The following LRRTM3 variants were observed in gnomAD, a reference collection of about 807,000 sequenced individuals.
LRRTM3 encodes the protein leucine-rich repeat transmembrane neuronal protein 3.
In LRRTM3, 24 loss-of-function variants were observed where a neutral mutation model predicts 44.7. The observed-to-expected ratio is 0.54, with a 90% CI of 0.39 to 0.76. The LOEUF (loss-of-function observed/expected upper bound fraction) is 0.76, where lower values mean the gene tolerates loss of function less well. Among genes scored for constraint, LRRTM3 ranks in the 30% least tolerant of loss-of-function variants. The probability of loss-of-function intolerance (pLI) is 0.00; values close to 1 mark genes in which losing one functional copy is unlikely to be tolerated. For synonymous variants in LRRTM3, 277 were observed against 278.7 expected, an observed-to-expected ratio of 0.99 and a Z score of 0.06; for missense variants, 587 against 702.2, an observed-to-expected ratio of 0.84 and a Z score of 1.85.
At chr10:66,961,742 TA>T (rs1372863254) in intron 2 of LRRTM3, among the ~76,000 whole-genome samples, 1 of 152,144 alleles carries the variant, frequency 6.6e-6, no homozygotes, top group Non-Finnish European at 1.5e-5. Context: ...AAATGTCTAT[TA>T]CTCCTTGAGG....
chr10:66,969,152 A>C (rs185397423), intron 2 of LRRTM3, among the ~76,000 whole-genome samples: 1 of 152,200 alleles, frequency 6.6e-6, no homozygotes, highest in Non-Finnish European at 1.5e-5. Flanking sequence ...AATATTTTTA[A>C]AAATCAAATA....
At chr10:67,007,010 G>C (rs771895817) in intron 2 of LRRTM3, among the ~76,000 whole-genome samples, 1 of 152,118 alleles carries the variant, frequency 6.6e-6, no homozygotes, top group Non-Finnish European at 1.5e-5. Flanking sequence ...TGGCCAGGCT[G>C]TTCTTGAACT....
chr10:67,090,455 T>C (rs888494095), intron 2 of LRRTM3, among the ~76,000 whole-genome samples: 1 of 152,128 alleles, frequency 6.6e-6, no homozygotes, highest in Non-Finnish European at 1.5e-5. Flanking sequence ...GCCTATATTG[T>C]GTTCACCTCT....
chr10:66,935,589 A>T (rs1449071111), intron 2 of LRRTM3, among the ~76,000 whole-genome samples: 1 of 151,962 alleles, frequency 6.6e-6, no homozygotes, highest in Admixed American at 6.6e-5. Flanking sequence ...TTACATACGT[A>T]TTTGTATTTC....
chr10:67,044,349 A>G (rs1854595227), intron 2 of LRRTM3, among the ~76,000 whole-genome samples: 1 of 152,212 alleles, frequency 6.6e-6, no homozygotes, highest in Non-Finnish European at 1.5e-5. Context: ...TTTATTTCTC[A>G]TAGGATTTTA....
In LRRTM3 at chr10:66,964,654, T is replaced by C. The variant is rs561570978; in HGVS notation, c.1536+36202T>C. ...ACTTCGGAGGAACTGACACCTTTGA[T>C]GACCATCACAGGACTGAGTCACCAA... On this transcript the variant is annotated intron_variant, in intron 2 of 2. Transcript: ENST00000361320. Among the ~76,000 whole-genome samples, 10 of 152,286 alleles carry C rather than the reference T, an allele frequency of 6.6e-5. No homozygotes were observed. In the South Asian group the frequency reaches 1.4e-3, roughly 22 times the overall value.
chr10:67,021,266 T>C (rs555618216), intron 2 of LRRTM3, among the ~76,000 whole-genome samples: 156 of 152,230 alleles, frequency 1.0e-3, no homozygotes, highest in African/African-American at 3.6e-3. Flanking sequence ...ATATACAGAA[T>C]ATAGTACCAT....
At chr10:66,940,767 C>T (rs1203929295) in intron 2 of LRRTM3, among the ~76,000 whole-genome samples, 1 of 152,060 alleles carries the variant, frequency 6.6e-6, no homozygotes, top group East Asian at 1.9e-4. Context: ...TTCACAGTAG[C>T]CCACTGACTG....
At chr10:67,007,400 C>CT (rs552186162) in intron 2 of LRRTM3, among the ~76,000 whole-genome samples, 4,552 of 146,092 alleles carry the variant, frequency 0.031, 88 homozygotes, top group Non-Finnish European at 0.04. Flanking sequence ...TTCAATCTGA[C>CT]TTTTTTTTTT....
At chr10:66,978,552 A>AATATAT (rs1554890349) in intron 2 of LRRTM3, among the ~76,000 whole-genome samples, 484 of 37,872 alleles carry the variant, frequency 0.013, 14 homozygotes, top group African/African-American at 0.036. Context: ...AAAAAAAAAA[A>AATATAT]ATATATATAT....
At position 67,098,884 on chromosome 10, in the gene LRRTM3, T is replaced by A. The variant is rs1858167312; in HGVS notation, c.*1088T>A. 6.6e-6 allele frequency: 1 copy of A among 151,838 alleles called. No individual in the cohort carries two copies. The highest frequency in any genetic ancestry group is 6.6e-5 in the Admixed American group (1 of 15,204). The allele number at this position is 151,838 out of a possible 1,614,324, so 9.4% of individuals were successfully genotyped here. A position where few individuals can be genotyped will look rare whatever the true frequency, so the allele number is the denominator to read the frequency against. ...AATGTGCCTGGTTCTTAAGACAACT[T>A]TTTATTTAGAACTGTGAGACCGGTA... On this transcript the variant is annotated 3_prime_UTR_variant, in exon 3 of 3. Coordinates refer to ENST00000361320, the MANE Select transcript of LRRTM3 (RefSeq NM_178011.5).
At chr10:66,989,047 C>T (rs1589555644) in intron 2 of LRRTM3, among the ~76,000 whole-genome samples, 1 of 151,586 alleles carries the variant, frequency 6.6e-6, no homozygotes, top group Non-Finnish European at 1.5e-5. Context: ...GTCTCGTTAC[C>T]TCTCATAGCA....
At chr10:67,008,730 T>TGAAAGCTC (rs1852155176) in intron 2 of LRRTM3, among the ~76,000 whole-genome samples, 1 of 152,162 alleles carries the variant, frequency 6.6e-6, no homozygotes, top group Non-Finnish European at 1.5e-5. Flanking sequence ...CATCCTCCAG[T>TGAAAGCTC]AGGCTAGCTC....
intron 2 of LRRTM3, among the ~76,000 whole-genome samples, chr10:67,022,019 C>T (rs1853049036): frequency 6.6e-6 from 1 of 152,154 alleles, no homozygotes; most frequent in Non-Finnish European, 1.5e-5. Flanking sequence ...TCGCAATAGA[C>T]CTTTCCTACG....
chr10:66,937,723 A>G (rs1178523992), intron 2 of LRRTM3, among the ~76,000 whole-genome samples: 2 of 152,036 alleles, frequency 1.3e-5, no homozygotes, highest in Admixed American at 1.3e-4. Context: ...CAGGTTCTCA[A>G]AGTAGCCCAT....
At chr10:66,988,839 C>T (rs1425836198) in intron 2 of LRRTM3, among the ~76,000 whole-genome samples, 1 of 151,930 alleles carries the variant, frequency 6.6e-6, no homozygotes, top group Non-Finnish European at 1.5e-5. Context: ...TTTCCTGAAA[C>T]TCTGCCCTCC....
intron 2 of LRRTM3, among the ~76,000 whole-genome samples, chr10:67,064,056 GC>G (rs1855919134): frequency 6.6e-6 from 1 of 152,130 alleles, no homozygotes. Flanking sequence ...TATACCTGAC[GC>G]TTCAGCTTTT....
chr10:67,040,931 T>A (rs1191760478), intron 2 of LRRTM3, among the ~76,000 whole-genome samples: 1 of 152,100 alleles, frequency 6.6e-6, no homozygotes, highest in Non-Finnish European at 1.5e-5. Flanking sequence ...GAGCTTGCAA[T>A]CCTTTTTAAG....
intron 2 of LRRTM3, among the ~76,000 whole-genome samples, chr10:66,980,784 G>A (rs116803809): frequency 6.6e-6 from 1 of 152,192 alleles, no homozygotes; most frequent in South Asian, 2.1e-4. Flanking sequence ...TCATGTACAA[G>A]AGTGTTCAAG....
Sources: gnomAD v4.1 joint callset for allele counts (sites outside exome capture counted in the v4.1 genomes callset) on GRCh38, gnomAD v4.1.1 for gene constraint, MANE v1.5 for transcripts, NCBI Gene and HGNC (gene_info 2026-07-23, HGNC 2026-07-21) for gene names.